Variants in MGAM2 observed in about 807,000 individuals in gnomAD.
MGAM2 encodes maltase-glucoamylase 2 (putative), also known as probable maltase-glucoamylase 2.
MGAM2 carries 98 observed loss-of-function variants against 96.1 expected under a neutral mutation model. That is an observed-to-expected ratio of 1.02 (90% CI 0.87 to 1.21). The LOEUF is 1.21. Among genes scored for constraint, MGAM2 ranks in the 50% most tolerant of loss-of-function variants. The pLI, the probability that MGAM2 is intolerant of heterozygous loss-of-function variation, is 0.00. For synonymous variants in MGAM2, 749 were observed against 414.8 expected, an observed-to-expected ratio of 1.81 and a Z score of -9.79; for missense variants, 2,055 against 1,182.4, an observed-to-expected ratio of 1.74 and a Z score of -10.82.
chr7:142,160,006 A>C (rs1795842402), intron 20 of MGAM2, 128 bp from the exon 21 acceptor site: 1 of 582,776 alleles, frequency 1.7e-6, no homozygotes, highest in Non-Finnish European at 3.0e-6. Context: ...TCAGCAAGTC[A>C]CTTCACTTTG....
intron 3 of MGAM2, among the ~76,000 whole-genome samples, chr7:142,122,803 A>G (rs1461044452): frequency 6.6e-6 from 1 of 152,154 alleles, no homozygotes; most frequent in African/African-American, 2.4e-5. Flanking sequence ...TCAAATTTAT[A>G]AACTTTGAGT....
intron 23 of MGAM2, among the ~76,000 whole-genome samples, chr7:142,162,389 C>T (rs565039601): frequency 2.0e-5 from 3 of 152,098 alleles, no homozygotes; most frequent in Admixed American, 6.5e-5. Context: ...GCACGTAAAA[C>T]TTGGCCTTTG....
At chr7:142,200,106 A>G (rs968145948) in intron 45 of MGAM2, 138 bp downstream of exon 45, 18 of 478,062 alleles carry the variant, frequency 3.8e-5, no homozygotes, top group Non-Finnish European at 6.3e-5. Context: ...GAATTTTTCC[A>G]ACTTTTGCCT....
rs1027034701 is a variant in MGAM2 at position 142,153,466 on chromosome 7, G to T, written c.1635-552G>T. Among the ~76,000 whole-genome samples the T allele has an allele frequency of 3.3e-5, 5 of 152,182 alleles. No homozygotes were observed. The South Asian group carries it at 1.0e-3, about 32-fold the overall frequency. On this transcript the variant is annotated intron_variant, in intron 15 of 47. Coordinates refer to ENST00000477922, the MANE Select transcript of MGAM2 (RefSeq NM_001293626.2). ...TCTTATTTTGCATAGATTAAAATTT[G>T]CTAACATTGAGAATTGCTAAGAATA...
In MGAM2 at chr7:142,165,083, C is replaced by T. The variant is rs1795992476; in HGVS notation, c.2652+60C>T. 3 of 615,122 alleles carry T rather than the reference C, an allele frequency of 4.9e-6. No homozygotes were observed. In the African/African-American group the frequency reaches 5.6e-5, roughly 11 times the overall value. The allele number at this position is 615,122 out of a possible 1,614,324, so 38.1% of individuals were successfully genotyped here. A position where few individuals can be genotyped will look rare whatever the true frequency, so the allele number is the denominator to read the frequency against. ...AGAGGCCTTGGCTCTGACAGCCAGC[C>T]CTACTTTGCTCTTTTAACTGTGGGC... On this transcript the variant is annotated intron_variant, in intron 24 of 47. Coordinates refer to ENST00000477922, the MANE Select transcript of MGAM2 (RefSeq NM_001293626.2).
chr7:142,113,352 G>A (rs1020277225), intron 1 of MGAM2, among the ~76,000 whole-genome samples: 2 of 151,836 alleles, frequency 1.3e-5, no homozygotes, highest in Admixed American at 6.6e-5. Flanking sequence ...AAAGCTAAAG[G>A]GTTTTTGGTT....
chr7:142,159,288 G>T lies in MGAM2; in HGVS notation c.2165G>T (p.Gly722Val), dbSNP rs151077598. Residue 722 changes from glycine (G) to valine (V), a missense_variant and splice_region_variant, in exon 20 of 48, where the codon GGT becomes GTT. Coordinates refer to ENST00000477922, the MANE Select transcript of MGAM2 (RefSeq NM_001293626.2). ...TACTCATTATTGTTGTTTACCTAGG[G>T]TGTGGACGAAGTGAAAGCATACATA... ...GLLITPVLYEGVDEVKAYIPD... is the reference protein window; with the variant it reads ...GLLITPVLYEVVDEVKAYIPD... The T allele has an allele frequency of 1.5e-3, 1,033 of 702,300 alleles. 10 individuals are homozygous for T. The African/African-American group carries it at 0.015, about 10-fold the overall frequency. The allele number at this position is 702,300 out of a possible 1,614,324, so 43.5% of individuals were successfully genotyped here.
chr7:142,200,068 T>C, intron 45 of MGAM2, 100 bp downstream of exon 45: 1 of 508,454 alleles, frequency 2.0e-6, no homozygotes, highest in East Asian at 3.1e-5. Context: ...TCTCTCTGCC[T>C]ATTGTCAATA....
At chr7:142,155,960 A>G (rs1227318171) in intron 17 of MGAM2, among the ~76,000 whole-genome samples, 2 of 152,194 alleles carry the variant, frequency 1.3e-5, no homozygotes, top group Non-Finnish European at 2.9e-5. Context: ...AGCCTGACCA[A>G]CATGGAGAAA....
chr7:142,183,250 A>G lies in MGAM2; in HGVS notation c.3817-16A>G, dbSNP rs1488273699. The G allele has an allele frequency of 1.2e-5, 8 of 692,180 alleles. No individual in the cohort carries two copies. The highest frequency in any genetic ancestry group is 2.1e-5 in the Non-Finnish European group (8 of 381,764). The allele number at this position is 692,180 out of a possible 1,614,324, so 42.9% of individuals were successfully genotyped here. A position where few individuals can be genotyped will look rare whatever the true frequency, so the allele number is the denominator to read the frequency against. On this transcript the variant is annotated splice_polypyrimidine_tract_variant and intron_variant, in intron 32 of 47. Coordinates refer to ENST00000477922, the MANE Select transcript of MGAM2 (RefSeq NM_001293626.2). The stretch of plus-strand genomic sequence containing the variant: ...TGTTTTCCTCACATTTGCTGTTTGA[A>G]ATTCTTTTACTGCAGGACCCAGCCA...
intron 25 of MGAM2, among the ~76,000 whole-genome samples, chr7:142,166,490 T>C (rs1796030635): frequency 6.6e-6 from 1 of 152,160 alleles, no homozygotes; most frequent in African/African-American, 2.4e-5. Flanking sequence ...AACATAATAA[T>C]GTACATTGGG....
At chr7:142,144,634 C>A (rs1334937571) in intron 13 of MGAM2, among the ~76,000 whole-genome samples, 4 of 152,188 alleles carry the variant, frequency 2.6e-5, no homozygotes, top group African/African-American at 9.7e-5. Flanking sequence ...AATGTGCCCA[C>A]TGTCATTTAG....
At chr7:142,125,375 A>G (rs1794703285) in intron 3 of MGAM2, among the ~76,000 whole-genome samples, 1 of 152,176 alleles carries the variant, frequency 6.6e-6, no homozygotes, top group African/African-American at 2.4e-5. Context: ...AGAGCAGACC[A>G]CTTACTTAAA....
intron 6 of MGAM2, 96 bp from the exon 7 acceptor site, chr7:142,133,885 C>G: frequency 5.8e-6 from 3 of 517,206 alleles, no homozygotes; most frequent in Middle Eastern, 3.0e-4. Flanking sequence ...CCTGAAACAA[C>G]AGAGGTCTAA....
At chr7:142,140,679 T>C in intron 10 of MGAM2, 123 bp from the exon 11 acceptor site, 1 of 563,664 alleles carries the variant, frequency 1.8e-6, no homozygotes, top group Non-Finnish European at 3.1e-6. Context: ...AGCCAAGCCC[T>C]GGAAATTCCA....
At chr7:142,132,349 A>G (rs1234942448) in intron 6 of MGAM2, among the ~76,000 whole-genome samples, 1 of 145,190 alleles carries the variant, frequency 6.9e-6, no homozygotes, top group Non-Finnish European at 1.5e-5. Flanking sequence ...GTAATTTAAT[A>G]TAATTTATAT....
chr7:142,170,287 A>G (rs1796149930), intron 27 of MGAM2, 58 bp downstream of exon 27: 1 of 626,432 alleles, frequency 1.6e-6, no homozygotes, highest in African/African-American at 1.8e-5. Flanking sequence ...TACAGCAGTT[A>G]CAATTAATTC....
intron 3 of MGAM2, among the ~76,000 whole-genome samples, chr7:142,124,863 T>C (rs866223911): frequency 6.6e-6 from 1 of 152,122 alleles, no homozygotes; most frequent in Middle Eastern, 3.2e-3. Context: ...TATATATAGA[T>C]TTAAAATTGA....
intron 45 of MGAM2, among the ~76,000 whole-genome samples, chr7:142,204,467 A>G (rs1797336892): frequency 6.6e-6 from 1 of 152,048 alleles, no homozygotes; most frequent in Non-Finnish European, 1.5e-5. Context: ...AAGAAGCTCT[A>G]GGAGAGGCAT....
Sources: allele counts gnomAD v4.1 joint callset (sites outside exome capture counted in the v4.1 genomes callset), GRCh38; gene constraint gnomAD v4.1.1; transcripts MANE v1.5; gene names NCBI Gene and HGNC (gene_info 2026-07-23, HGNC 2026-07-21).